ADAM28: variants seen among roughly 807,000 people sequenced by gnomAD.
The protein encoded by ADAM28 is disintegrin and metalloproteinase domain-containing protein 28.
ADAM28 carries 105 observed loss-of-function variants against 101.2 expected under a neutral mutation model. That is an observed-to-expected ratio of 1.04 (90% CI 0.89 to 1.22). The LOEUF is 1.22. ADAM28 is among the 50% of genes most tolerant of loss of function. The pLI is 0.00. For missense variants in ADAM28, 1,028 were observed against 945.4 expected (o/e 1.09, Z -1.15); for synonymous variants, 322 against 310.6 (o/e 1.04, Z -0.39).
At chr8:24,294,814 GA>G (rs1361470164) in intron 1 of ADAM28, among the ~76,000 whole-genome samples, 2 of 152,050 alleles carry the variant, frequency 1.3e-5, no homozygotes, top group African/African-American at 4.8e-5. Flanking sequence ...TTAAAAATTT[GA>G]AAGGAGAAAA....
At chr8:24,352,222 AT>A (rs1339772438) in intron 21 of ADAM28, among the ~76,000 whole-genome samples, 170 bp downstream of exon 21, 1 of 152,254 alleles carries the variant, frequency 6.6e-6, no homozygotes, top group Non-Finnish European at 1.5e-5. Flanking sequence ...ATATAAAAAA[AT>A]GAACATGTAT....
In ADAM28 at chr8:24,335,632, T is replaced by G. The variant is rs1488805715; in HGVS notation, c.1558T>G (p.Trp520Gly). The G allele has an allele frequency of 1.2e-6, 2 of 1,604,384 alleles. No homozygotes were observed. Among genetic ancestry groups the G allele is most frequent in the African/African-American group, 2.7e-5 (2 of 74,456 alleles). Residue 520 changes from tryptophan to glycine, a missense_variant, in exon 14 of 23, where the codon TGG becomes GGG. Trp to Gly is a radical substitution (Grantham distance 184). Coordinates refer to ENST00000265769, the MANE Select transcript of ADAM28 (RefSeq NM_014265.6). ...PTLQEQCTEL[W>G]GPGTEVADKS... is the part of the protein sequence containing the mutation. ...ACTGCAGGAGCAGTGCACAGAGCTG[T>G]GGGGACCAGGTAGGAGGACAAATCC...
At chr8:24,319,881 C>CTAGG (rs1811640916) in intron 6 of ADAM28, among the ~76,000 whole-genome samples, 1 of 152,038 alleles carries the variant, frequency 6.6e-6, no homozygotes, top group African/African-American at 2.4e-5. Flanking sequence ...ACTAAAAACA[C>CTAGG]TAGGAGGATG....
At chr8:24,342,419 C>T (rs1814889064) in intron 16 of ADAM28, among the ~76,000 whole-genome samples, 1 of 152,090 alleles carries the variant, frequency 6.6e-6, no homozygotes, top group Admixed American at 6.6e-5. Flanking sequence ...CTAAGTGGTT[C>T]AGTGTGGGTA....
intron 8 of ADAM28, chr8:24,321,503 G>GTAT (rs1461799258): frequency 1.8e-6 from 1 of 547,192 alleles, no homozygotes; most frequent in Non-Finnish European, 3.3e-6. Flanking sequence ...ACCTGCCACA[G>GTAT]TATTCTCAGG....
rs1314107754 is a variant in ADAM28 at position 24,356,977 on chromosome 8, T to A, written c.*2573T>A. 1.3e-5 allele frequency: 2 copies of A among 152,174 alleles called. No homozygotes were observed. Among genetic ancestry groups the A allele is most frequent in the Non-Finnish European group, 2.9e-5 (2 of 68,028 alleles). 9.4% of individuals were successfully genotyped at this position (152,174 alleles called of 1,614,324 possible). A position where few individuals can be genotyped will look rare whatever the true frequency, so the allele number is the denominator to read the frequency against. ...AATATGGAAAGGGTTATTATTATAATTAGGATTTTATTATTCACATTGGAA... is the reference window on the plus strand; with the variant it reads ...AATATGGAAAGGGTTATTATTATAAATAGGATTTTATTATTCACATTGGAA... On this transcript the variant is annotated 3_prime_UTR_variant, in exon 23 of 23. Coordinates refer to ENST00000265769, the MANE Select transcript of ADAM28 (RefSeq NM_014265.6).
rs74347620 is a variant in ADAM28, at chr8:24,355,259, T to C, written c.*855T>C. On this transcript the variant is annotated 3_prime_UTR_variant, in exon 23 of 23. Coordinates refer to ENST00000265769, the MANE Select transcript of ADAM28 (RefSeq NM_014265.6). ...ATGCTTTGTCAACAACAGACTTACA[T>C]TGCCCATAGCAACCGTCAGCTTAGT... 6.6e-6 allele frequency: 1 copy of C among 152,264 alleles called. No homozygotes were observed. The highest frequency in any genetic ancestry group is 1.5e-5 in the Non-Finnish European group (1 of 68,000). The allele number at this position is 152,264 out of a possible 1,614,324, so 9.4% of individuals were successfully genotyped here. A position where few individuals can be genotyped will look rare whatever the true frequency, so the allele number is the denominator to read the frequency against.
intron 2 of ADAM28, among the ~76,000 whole-genome samples, chr8:24,309,496 A>G (rs1322636492): frequency 6.6e-6 from 1 of 152,182 alleles, no homozygotes; most frequent in Non-Finnish European, 1.5e-5. Flanking sequence ...ACATCCTACT[A>G]TATACATCCA....
intron 6 of ADAM28, among the ~76,000 whole-genome samples, chr8:24,316,060 CCATTTATTTATTTATTTATTTATT>C (rs1811118431): frequency 6.8e-6 from 1 of 147,838 alleles, no homozygotes; most frequent in Non-Finnish European, 1.5e-5. Flanking sequence ...ATCATAAAGG[CCATTTATTTATTTATTTATTTATT>C]TATTTATTTA....
chr8:24,352,889 C>T (rs138736046), intron 21 of ADAM28, among the ~76,000 whole-genome samples: 30 of 152,130 alleles, frequency 2.0e-4, no homozygotes, highest in Admixed American at 4.6e-4. Flanking sequence ...TTTCCACCAC[C>T]GCCAATTCCT....
chr8:24,305,469 TTTTTTTTTA>T (rs1249181761), intron 2 of ADAM28, among the ~76,000 whole-genome samples: 2,058 of 145,630 alleles, frequency 0.014, 73 homozygotes, highest in African/African-American at 0.049. Context: ...TTTTTTTTTT[TTTTTTTTTA>T]AAATATGTCT....
At chr8:24,315,638 T>G (rs896425476) in intron 6 of ADAM28, among the ~76,000 whole-genome samples, 5 of 151,924 alleles carry the variant, frequency 3.3e-5, no homozygotes, top group African/African-American at 9.7e-5. Flanking sequence ...AGACAGAAGG[T>G]GTACTGCTTA....
At chr8:24,301,513 T>G (rs1416870070) in intron 2 of ADAM28, among the ~76,000 whole-genome samples, 1 of 152,206 alleles carries the variant, frequency 6.6e-6, no homozygotes, top group East Asian at 1.9e-4. Flanking sequence ...TATATTTTCA[T>G]ATTTAGTCCT....
chr8:24,298,795 G>A (rs1056837531), intron 1 of ADAM28, among the ~76,000 whole-genome samples: 1 of 152,130 alleles, frequency 6.6e-6, no homozygotes, highest in Non-Finnish European at 1.5e-5. Context: ...TAAGGAGCAG[G>A]TCTATCGACT....
chr8:24,317,737 G>A (rs1422804485), intron 6 of ADAM28, among the ~76,000 whole-genome samples: 1 of 151,830 alleles, frequency 6.6e-6, no homozygotes, highest in Non-Finnish European at 1.5e-5. Flanking sequence ...AAAATGAAAA[G>A]GAATCTAAAA....
intron 9 of ADAM28, chr8:24,325,025 C>A (rs1222480571): frequency 1.3e-5 from 2 of 151,970 alleles, no homozygotes; most frequent in Non-Finnish European, 2.9e-5. Flanking sequence ...GAGAATACTG[C>A]AAGGCTGGTT....
At chr8:24,304,171 T>C (rs986750130) in intron 2 of ADAM28, among the ~76,000 whole-genome samples, 5 of 150,210 alleles carry the variant, frequency 3.3e-5, no homozygotes, top group African/African-American at 9.8e-5. Flanking sequence ...TAAATTTGAG[T>C]TTTGAATATA....
intron 13 of ADAM28, among the ~76,000 whole-genome samples, chr8:24,333,672 A>G (rs1459044559): frequency 1.3e-5 from 2 of 152,074 alleles, no homozygotes; most frequent in Admixed American, 6.5e-5. Flanking sequence ...TCCCTTTAAC[A>G]ATGTGTGTGG....
chr8:24,335,691 C>A, intron 14 of ADAM28, 50 bp downstream of exon 14: 1 of 1,494,408 alleles, frequency 6.7e-7, no homozygotes, highest in South Asian at 1.4e-5. Context: ...AAAATCATTT[C>A]AGATGACAGT....
Sources: gnomAD v4.1 joint callset for allele counts (sites outside exome capture counted in the v4.1 genomes callset) on GRCh38, gnomAD v4.1.1 for gene constraint, MANE v1.5 for transcripts, NCBI Gene and HGNC (gene_info 2026-07-23, HGNC 2026-07-21) for gene names.